Variants in PPP2R3A observed in about 807,000 individuals in gnomAD.
The protein encoded by PPP2R3A is serine/threonine-protein phosphatase 2A regulatory subunit B'' subunit alpha.
Under a neutral mutation model 106.9 loss-of-function variants are expected in PPP2R3A, and 80 were observed. The ratio of observed to expected loss-of-function variants is 0.75; its 90% CI spans 0.62 to 0.90. PPP2R3A has a LOEUF of 0.90. PPP2R3A is among the 40% of genes least tolerant of loss of function. PPP2R3A has a pLI of 0.00. For synonymous variants in PPP2R3A, 483 were observed against 468.3 expected, an observed-to-expected ratio of 1.03 and a Z score of -0.41; for missense variants, 1,386 against 1,350.4, an observed-to-expected ratio of 1.03 and a Z score of -0.41.
chr3:136,106,351 A>G (rs562976444), intron 13 of PPP2R3A, 29 bp downstream of exon 13: 329 of 1,584,958 alleles, frequency 2.1e-4, no homozygotes, highest in Non-Finnish European at 2.8e-4. Flanking sequence ...GTCTTATAGA[A>G]TTTTTAACAG....
intron 8 of PPP2R3A, 194 bp from the exon 9 acceptor site, chr3:136,087,689 A>T (rs2107940562): frequency 2.1e-6 from 1 of 485,316 alleles, no homozygotes; most frequent in Non-Finnish European, 3.7e-6. Flanking sequence ...CCCAGATGTC[A>T]GCCACATTCA....
chr3:136,107,154 T>C (rs1250912581), intron 13 of PPP2R3A, among the ~76,000 whole-genome samples: 2 of 152,140 alleles, frequency 1.3e-5, no homozygotes, highest in East Asian at 3.8e-4. Context: ...TTGCTGGTTT[T>C]TTCCATCATC....
At chr3:136,136,089 TATATAA>T (rs1938614206) in intron 13 of PPP2R3A, among the ~76,000 whole-genome samples, 11 of 125,262 alleles carry the variant, frequency 8.8e-5, no homozygotes, top group Non-Finnish European at 6.7e-5. Context: ...TATATATATA[TATATAA>T]AAAACATCAT....
At chr3:136,095,812 CTTTACTAAAGCAGAG>C (rs1937203008) in intron 10 of PPP2R3A, among the ~76,000 whole-genome samples, 1 of 152,116 alleles carries the variant, frequency 6.6e-6, no homozygotes. Flanking sequence ...GTTCACATTG[CTTTACTAAAGCAGAG>C]TGTGAGCAGA....
chr3:136,098,703 A>G (rs936296609), intron 10 of PPP2R3A, among the ~76,000 whole-genome samples: 1 of 152,216 alleles, frequency 6.6e-6, no homozygotes. Flanking sequence ...AAGCAAATAA[A>G]CATAGCAGAC....
chr3:136,055,429 GCAAA>G, intron 5 of PPP2R3A: 1 of 1,061,422 alleles, frequency 9.4e-7, no homozygotes, highest in South Asian at 1.3e-5. Context: ...GTGCCATAAT[GCAAA>G]TGCTTAAGGC....
intron 13 of PPP2R3A, among the ~76,000 whole-genome samples, chr3:136,144,058 A>G (rs1938997618): frequency 6.6e-6 from 1 of 152,222 alleles, no homozygotes; most frequent in Non-Finnish European, 1.5e-5. Flanking sequence ...TAGCCTCAGA[A>G]TATTTATCAA....
chr3:136,078,430 A>G lies in PPP2R3A; in HGVS notation c.2608A>G (p.Ile870Val). 1 of 1,609,564 alleles carries G rather than the reference A, an allele frequency of 6.2e-7. No homozygotes were observed. Among genetic ancestry groups the G allele is most frequent in the Non-Finnish European group, 8.5e-7 (1 of 1,176,428 alleles). ...GAGTGGAAAAATTACTTCGACAGAG[A>G]TAAGAAAAAGCAACTTTTTGCAAGT... ...SWSGKITSTE[I>V]RKSNFLQTLA... The change falls in exon 7 of 14, where the codon ATA (isoleucine) becomes GTA (valine). Residue 870 changes from isoleucine to valine, a missense_variant. Physicochemically the swap from Ile to Val is conservative, Grantham distance 29. Transcript: ENST00000264977.
At chr3:136,066,682 G>C (rs189058202) in intron 5 of PPP2R3A, among the ~76,000 whole-genome samples, 1 of 151,870 alleles carries the variant, frequency 6.6e-6, no homozygotes, top group African/African-American at 2.4e-5. Context: ...CAAGGTGTGG[G>C]GGAGTTGCTG....
chr3:136,081,727 C>T (rs1207345860), intron 7 of PPP2R3A, among the ~76,000 whole-genome samples: 1 of 152,116 alleles, frequency 6.6e-6, no homozygotes, highest in African/African-American at 2.4e-5. Context: ...TCAGGGAAGA[C>T]CCAGGTTTAC....
chr3:136,083,239 C>A (rs1375101927), intron 8 of PPP2R3A, among the ~76,000 whole-genome samples: 1 of 152,104 alleles, frequency 6.6e-6, no homozygotes, highest in Admixed American at 6.5e-5. Context: ...CCACCCAAAT[C>A]TCATCTTGAA....
At chr3:135,974,198 G>A (rs189600089) in intron 1 of PPP2R3A, among the ~76,000 whole-genome samples, 122 of 152,158 alleles carry the variant, frequency 8.0e-4, no homozygotes, top group Non-Finnish European at 1.5e-3. Flanking sequence ...TCTTCCTGAC[G>A]CCTAAAAGTT....
chr3:136,111,748 G>C (rs935138528), intron 13 of PPP2R3A, among the ~76,000 whole-genome samples: 1 of 151,894 alleles, frequency 6.6e-6, no homozygotes, highest in East Asian at 1.9e-4. Flanking sequence ...TACCAATCCT[G>C]CTGAAATTAT....
intron 2 of PPP2R3A, among the ~76,000 whole-genome samples, chr3:136,025,749 C>A (rs1195146713): frequency 6.6e-6 from 1 of 151,940 alleles, no homozygotes; most frequent in Admixed American, 6.6e-5. Context: ...TTCATAATAC[C>A]TATACAATGT....
intron 1 of PPP2R3A, among the ~76,000 whole-genome samples, chr3:135,998,117 G>A (rs190975444): frequency 1.1e-3 from 169 of 152,218 alleles, no homozygotes; most frequent in African/African-American, 3.9e-3. Context: ...GTCTCTATAC[G>A]CCCGCCAGTG....
chr3:135,987,288 C>T (rs1484987459), intron 1 of PPP2R3A, among the ~76,000 whole-genome samples: 5 of 152,066 alleles, frequency 3.3e-5, no homozygotes, highest in Non-Finnish European at 7.4e-5. Context: ...GTAACATAAC[C>T]AGAGTATCAG....
intron 8 of PPP2R3A, among the ~76,000 whole-genome samples, chr3:136,083,136 C>G (rs1044357181): frequency 1.3e-5 from 2 of 152,060 alleles, no homozygotes; most frequent in African/African-American, 4.8e-5. Context: ...CACCTCAGCC[C>G]CTAAGTAGCT....
chr3:136,143,043 G>A (rs1938941156), intron 13 of PPP2R3A, among the ~76,000 whole-genome samples: 1 of 152,180 alleles, frequency 6.6e-6, no homozygotes, highest in Non-Finnish European at 1.5e-5. Flanking sequence ...AAGGAGATGG[G>A]GGAAGAGGAG....
chr3:136,005,493 C>G (rs369769140), intron 2 of PPP2R3A, among the ~76,000 whole-genome samples: 3 of 152,098 alleles, frequency 2.0e-5, no homozygotes, highest in African/African-American at 7.2e-5. Context: ...CAGATGTTCC[C>G]TGAGCATTTC....
Sources: allele counts gnomAD v4.1 joint callset (sites outside exome capture counted in the v4.1 genomes callset), GRCh38; gene constraint gnomAD v4.1.1; transcripts MANE v1.5; gene names NCBI Gene and HGNC (gene_info 2026-07-23, HGNC 2026-07-21).